Variants in TAOK3 observed in about 807,000 individuals in gnomAD.
TAOK3 encodes the protein serine/threonine-protein kinase TAO3.
TAOK3 carries 40 observed loss-of-function variants against 120.4 expected under a neutral mutation model. The observed-to-expected ratio is 0.33, with a 90% confidence interval of 0.26 to 0.43. The LOEUF (loss-of-function observed/expected upper bound fraction) is 0.43. Ranked by LOEUF, TAOK3 falls within the 20% of genes least tolerant of loss-of-function variation. The pLI is 1.00. For missense variants in TAOK3, 821 were observed against 1,112.1 expected, an observed-to-expected ratio of 0.74 and a Z score of 3.72; for synonymous variants, 355 against 387.5, an observed-to-expected ratio of 0.92 and a Z score of 0.99.
chr12:118,371,486 G>A lies in TAOK3; in HGVS notation c.-194+1162C>T, dbSNP rs2045890241. Among the ~76,000 whole-genome samples, 1 of 151,888 alleles carries A rather than the reference G, an allele frequency of 6.6e-6. No homozygotes were observed. The highest frequency in any genetic ancestry group is 3.4e-3 in the Middle Eastern group (1 of 294). On this transcript the variant is annotated intron_variant, in intron 1 of 20. Coordinates refer to ENST00000392533, the MANE Select transcript of TAOK3 (RefSeq NM_016281.4). This position sits in a 1 kb window ranked among gnomAD's most constrained non-coding sequence, Gnocchi z 5.5. ...AGCCCCTCCAGCTCCTCCAGCCCAT[G>A]CGTTTCACTTCAGAGATGTTTCATG... is the stretch of plus-strand genomic sequence containing the variant.
At chr12:118,187,519 A>T (rs1048245362) in intron 14 of TAOK3, among the ~76,000 whole-genome samples, 2 of 152,214 alleles carry the variant, frequency 1.3e-5, no homozygotes, top group African/African-American at 4.8e-5. Context: ...GGTAATATAC[A>T]TTAAAAAATC....
At chr12:118,177,834 AAAAAAG>A (rs1180461380) in intron 15 of TAOK3, among the ~76,000 whole-genome samples, 12 of 152,332 alleles carry the variant, frequency 7.9e-5, no homozygotes, top group East Asian at 1.9e-4. Context: ...AAAAAAAGAA[AAAAAAG>A]AAAAAGAAAA....
intron 11 of TAOK3, among the ~76,000 whole-genome samples, chr12:118,202,953 T>C (rs540027062): frequency 6.6e-6 from 1 of 152,082 alleles, no homozygotes; most frequent in South Asian, 2.1e-4. Context: ...CTAATTTTTG[T>C]ATTTTTAGTA....
chr12:118,321,336 C>T (rs2043696058), intron 1 of TAOK3, among the ~76,000 whole-genome samples: 1 of 152,152 alleles, frequency 6.6e-6, no homozygotes, highest in African/African-American at 2.4e-5. Context: ...TCACGGCTCA[C>T]TGCAACCTCG....
intron 3 of TAOK3, among the ~76,000 whole-genome samples, chr12:118,253,918 A>G (rs894528983): frequency 8.6e-5 from 13 of 152,002 alleles, no homozygotes; most frequent in African/African-American, 2.4e-4. Flanking sequence ...GCGTGGTGGC[A>G]CATGCCTGTA....
At chr12:118,283,720 C>A in intron 1 of TAOK3, 1 of 199,596 alleles carries the variant, frequency 5.0e-6, no homozygotes, top group Non-Finnish European at 1.1e-5. Flanking sequence ...CAGAGCAAGA[C>A]TTCATCAACA....
At chr12:118,362,674 C>T (rs2045634509) in intron 1 of TAOK3, among the ~76,000 whole-genome samples, 1 of 152,164 alleles carries the variant, frequency 6.6e-6, no homozygotes, top group African/African-American at 2.4e-5. Context: ...GAACATCCAC[C>T]TTCTGTTGAA....
At chr12:118,193,049 G>GTTTTTTTTTTTTTTTT (rs11380296) in intron 13 of TAOK3, among the ~76,000 whole-genome samples, 1 of 107,408 alleles carries the variant, frequency 9.3e-6, no homozygotes, top group Admixed American at 1.2e-4. Flanking sequence ...CCACGTTGTT[G>GTTTTTTTTTTTTTTTT]TTTTTTTTTT....
chr12:118,203,474 G>A (rs965666448), intron 11 of TAOK3, among the ~76,000 whole-genome samples: 2 of 152,150 alleles, frequency 1.3e-5, no homozygotes, highest in African/African-American at 4.8e-5. Flanking sequence ...GGAGGCTGAG[G>A]CGGGTGGATT....
In TAOK3 at chr12:118,160,998, AGAGAAG is replaced by A. The variant is rs1211686757; in HGVS notation, c.2140-646_2140-641del. On this transcript the variant is annotated intron_variant, in intron 18 of 20. Transcript: ENST00000392533. The surrounding 1 kb of genome is among the most constrained non-coding windows in gnomAD (Gnocchi z 4.2). ...CAATATAAAATATGCATTTGGGCAA[AGAGAAG>A]GTAGAGTATATTATTTTGAGCCCAG... Among the ~76,000 whole-genome samples the A allele has an allele frequency of 1.3e-5, 2 of 152,242 alleles. No individual in the cohort carries two copies. The highest frequency in any genetic ancestry group is 2.9e-5 in the Non-Finnish European group (2 of 68,050).
intron 17 of TAOK3, among the ~76,000 whole-genome samples, chr12:118,170,032 T>G (rs1267363968): frequency 1.3e-5 from 2 of 152,212 alleles, no homozygotes; most frequent in Non-Finnish European, 2.9e-5. Flanking sequence ...CTCTCGTATC[T>G]TAGTATATGT....
At position 118,201,454 on chromosome 12, in the gene TAOK3, CA is replaced by C; in HGVS notation, c.828del (p.Phe276LeufsTer25). The C allele has an allele frequency of 6.2e-7, 1 of 1,607,542 alleles. No homozygotes were observed. The highest frequency in any genetic ancestry group is 8.5e-7 in the Non-Finnish European group (1 of 1,176,954). ...PTSAELLRHDFVRRDRPLRVL... is the reference protein window; with the variant it reads ...PTSAELLRHDXVRRDRPLRVL... The stretch of plus-strand genomic sequence containing the variant: ...ACACGTAGTGGCCGGTCTCGTCGAA[CA>C]AAGTCATGCTGATTGAGGGAGGAGG... On this transcript the variant is annotated frameshift_variant, in exon 12 of 21. Coordinates refer to ENST00000392533, the MANE Select transcript of TAOK3 (RefSeq NM_016281.4). LOFTEE classifies it high-confidence loss of function.
chr12:118,339,158 G>A (rs1170243428), intron 1 of TAOK3, among the ~76,000 whole-genome samples: 1 of 151,774 alleles, frequency 6.6e-6, no homozygotes, highest in Non-Finnish European at 1.5e-5. Context: ...AATCAGATTT[G>A]TCACTTATTA....
At chr12:118,189,595 TC>T (rs397777700) in intron 14 of TAOK3, among the ~76,000 whole-genome samples, 1 of 147,770 alleles carries the variant, frequency 6.8e-6, no homozygotes, top group African/African-American at 2.5e-5. Context: ...TTTTTTTTTT[TC>T]CATGCCATAC....
chr12:118,349,318 T>C (rs1002618079), intron 1 of TAOK3, among the ~76,000 whole-genome samples: 8 of 152,256 alleles, frequency 5.3e-5, no homozygotes, highest in African/African-American at 1.9e-4. Context: ...ATATTTACTG[T>C]CACAGAAACA....
chr12:118,352,537 T>A (rs2045220028), intron 1 of TAOK3, among the ~76,000 whole-genome samples: 1 of 151,904 alleles, frequency 6.6e-6, no homozygotes, highest in African/African-American at 2.4e-5. Context: ...TACACATATA[T>A]ATACACACAT....
In TAOK3 at chr12:118,355,952, T is replaced by A. The variant is rs540392665; in HGVS notation, c.-194+16696A>T. Among the ~76,000 whole-genome samples the A allele has an allele frequency of 4.6e-5, 7 of 152,326 alleles. No homozygotes were observed. The South Asian group carries it at 1.4e-3, about 32-fold the overall frequency. The stretch of plus-strand genomic sequence containing the variant: ...AGCTAGTAGGTGGCAGACATGTTTA[T>A]CTGCCACACTCTTATTAAACATTAA... On this transcript the variant is annotated intron_variant, in intron 1 of 20. Transcript: ENST00000392533.
chr12:118,306,348 A>AT (rs1392775271), intron 1 of TAOK3, among the ~76,000 whole-genome samples: 2 of 151,734 alleles, frequency 1.3e-5, no homozygotes, highest in Non-Finnish European at 2.9e-5. Flanking sequence ...TTTTTATTTA[A>AT]TTTTTTTAGA....
Position 118,323,506 on chromosome 12 carries a change from C to T in TAOK3, c.-194+49142G>A, listed in dbSNP as rs571148387. 5.9e-5 allele frequency among the ~76,000 whole-genome samples: 9 copies of T among 152,126 alleles called. No homozygotes were observed. In the East Asian group the frequency reaches 1.7e-3, roughly 29 times the overall value. The stretch of plus-strand genomic sequence containing the variant: ...TTAGAATTTCATATTTTAAGTATAA[C>T]ACAAAATGCAGAAACTCAAAGAAAC... On this transcript the variant is annotated intron_variant, in intron 1 of 20. Coordinates refer to ENST00000392533, the MANE Select transcript of TAOK3 (RefSeq NM_016281.4).
Sources: gnomAD v4.1 joint callset for allele counts (sites outside exome capture counted in the v4.1 genomes callset) on GRCh38, gnomAD v4.1.1 for gene constraint, Gnocchi (gnomAD v3.1) non-coding constraint, MANE v1.5 for transcripts, NCBI Gene and HGNC (gene_info 2026-07-23, HGNC 2026-07-21) for gene names.